The following TSG101 variants were observed in gnomAD, a reference collection of about 807,000 sequenced individuals.
The protein encoded by TSG101 is tumor susceptibility gene 101 protein.
Under a neutral mutation model 48.5 loss-of-function variants are expected in TSG101, and 19 were observed. That is an observed-to-expected ratio of 0.39 (90% CI 0.27 to 0.58). The LOEUF (loss-of-function observed/expected upper bound fraction) is 0.58. Among genes scored for constraint, TSG101 ranks in the 20% least tolerant of loss-of-function variants. TSG101 has a pLI of 0.55. For missense variants in TSG101, 365 were observed against 484.4 expected (o/e 0.75, Z 2.31); for synonymous variants, 174 against 169.4 (o/e 1.03, Z -0.21).
At chr11:18,505,264 T>TC (rs2133920911) in intron 6 of TSG101, among the ~76,000 whole-genome samples, 1 of 120,072 alleles carries the variant, frequency 8.3e-6, no homozygotes, top group African/African-American at 2.6e-5. Flanking sequence ...GCCAATCTTT[T>TC]TTTTTTTTTT....
chr11:18,486,339 C>T (rs190743664), intron 7 of TSG101, among the ~76,000 whole-genome samples: 147 of 152,340 alleles, frequency 9.6e-4, no homozygotes, highest in Non-Finnish European at 1.8e-3. Flanking sequence ...GGGTGTCGCT[C>T]GTCAGAGGTC....
intron 6 of TSG101, among the ~76,000 whole-genome samples, chr11:18,505,774 C>G (rs576278198): frequency 1.3e-5 from 2 of 152,288 alleles, no homozygotes; most frequent in African/African-American, 4.8e-5. Flanking sequence ...ACCCCATTAT[C>G]TGAACCATTA....
intron 7 of TSG101, among the ~76,000 whole-genome samples, chr11:18,498,261 T>C (rs2133914418): frequency 6.6e-6 from 1 of 152,220 alleles, no homozygotes; most frequent in South Asian, 2.1e-4. Flanking sequence ...AACTTTGGAC[T>C]GAACTCTGAG....
chr11:18,507,467 A>G (rs894664831), intron 5 of TSG101: 5 of 152,246 alleles, frequency 3.3e-5, no homozygotes, highest in African/African-American at 1.2e-4. Context: ...CTCAAAACAA[A>G]GAAACAAACA....
intron 7 of TSG101, among the ~76,000 whole-genome samples, chr11:18,499,271 ATATT>A (rs1230658397): frequency 2.3e-5 from 3 of 130,544 alleles, no homozygotes; most frequent in African/African-American, 5.6e-5. Context: ...TATTTTATAT[ATATT>A]TATATATATC....
intron 1 of TSG101, among the ~76,000 whole-genome samples, chr11:18,522,823 A>G (rs964144563): frequency 6.6e-6 from 1 of 152,126 alleles, no homozygotes; most frequent in Non-Finnish European, 1.5e-5. Flanking sequence ...CATGCATGAC[A>G]AACTTCTGTC....
chr11:18,488,569 A>G (rs1849653493), intron 7 of TSG101, among the ~76,000 whole-genome samples: 1 of 152,174 alleles, frequency 6.6e-6, no homozygotes, highest in African/African-American at 2.4e-5. Flanking sequence ...TTTTTGATTC[A>G]GATCCTGGTA....
At chr11:18,520,431 C>T (rs1286812256) in intron 1 of TSG101, among the ~76,000 whole-genome samples, 1 of 152,044 alleles carries the variant, frequency 6.6e-6, no homozygotes, top group South Asian at 2.1e-4. Context: ...TGCTATGTTG[C>T]CCAGGCTGGT....
At chr11:18,518,162 A>G (rs1462715447) in intron 2 of TSG101, among the ~76,000 whole-genome samples, 1 of 152,230 alleles carries the variant, frequency 6.6e-6, no homozygotes, top group Admixed American at 6.5e-5. Flanking sequence ...ATACCATTGT[A>G]CATATAGTAT....
rs933647538 is a variant in TSG101 at position 18,483,988 on chromosome 11, A to G, written c.725T>C (p.Met242Thr). 2.5e-6 allele frequency: 4 copies of G among 1,613,960 alleles called. No individual in the cohort carries two copies. The highest frequency in any genetic ancestry group is 3.4e-6 in the Non-Finnish European group (4 of 1,180,014). ...CTGGGCACGATCCATTTCCTCCTTC[A>G]TCCGCCATCTCAGTTTGTCACTGAC... ...SAVSDKLRWRMKEEMDRAQAE... is the reference protein window; with the variant it reads ...SAVSDKLRWRTKEEMDRAQAE... The change falls in exon 8 of 10, where the codon ATG becomes ACG. Residue 242 changes from methionine (M) to threonine (T), a missense_variant. Transcript: ENST00000251968.
chr11:18,491,050 C>T (rs1231511418), intron 7 of TSG101: 9 of 175,556 alleles, frequency 5.1e-5, no homozygotes, highest in South Asian at 3.4e-4. Context: ...CCTCTGGCAG[C>T]GGTGGCGGTG....
chr11:18,496,135 A>C (rs527452270), intron 7 of TSG101, among the ~76,000 whole-genome samples: 65 of 152,284 alleles, frequency 4.3e-4, no homozygotes, highest in African/African-American at 1.4e-3. Context: ...CATCTGGTAA[A>C]TTTTAAATCT....
intron 7 of TSG101, 73 bp from the exon 8 acceptor site, chr11:18,484,145 G>A: frequency 6.7e-7 from 1 of 1,488,318 alleles, no homozygotes; most frequent in Middle Eastern, 2.1e-4. Flanking sequence ...GGAACCTTCA[G>A]AAAAGGGGGC....
At chr11:18,507,249 C>G (rs1275033221) in intron 5 of TSG101, among the ~76,000 whole-genome samples, 3 of 152,142 alleles carry the variant, frequency 2.0e-5, no homozygotes. Flanking sequence ...CTTCTTCGGT[C>G]CAAGGTTAAC....
At chr11:18,495,466 C>CT (rs147441714) in intron 7 of TSG101, among the ~76,000 whole-genome samples, 5,155 of 152,152 alleles carry the variant, frequency 0.034, 317 homozygotes, top group African/African-American at 0.12. Context: ...TTAACTTCCT[C>CT]TTTTTTTACC....
At chr11:18,509,491 T>TGA (rs768640946) in intron 5 of TSG101, 51 bp downstream of exon 5, 4 of 1,566,314 alleles carry the variant, frequency 2.6e-6, no homozygotes, top group Non-Finnish European at 3.5e-6. Flanking sequence ...CAAAGGTTTC[T>TGA]GTTCTCTTTT....
intron 1 of TSG101, among the ~76,000 whole-genome samples, chr11:18,521,507 TA>T (rs2133934119): frequency 6.6e-6 from 1 of 151,320 alleles, no homozygotes; most frequent in African/African-American, 2.4e-5. Flanking sequence ...TAGCTGGGAC[TA>T]CAGGCATGCA....
At chr11:18,486,261 G>A (rs1259353083) in intron 7 of TSG101, among the ~76,000 whole-genome samples, 2 of 152,240 alleles carry the variant, frequency 1.3e-5, no homozygotes, top group East Asian at 1.9e-4. Flanking sequence ...AGCCAGACTC[G>A]GCCCAAGTGG....
intron 4 of TSG101, among the ~76,000 whole-genome samples, chr11:18,510,181 G>A (rs529817988): frequency 5.1e-4 from 77 of 152,306 alleles, no homozygotes; most frequent in African/African-American, 1.6e-3. Context: ...AGCACTTTGG[G>A]AGGCCAAGGT....
Sources: gnomAD v4.1 joint callset for allele counts (sites outside exome capture counted in the v4.1 genomes callset) on GRCh38, gnomAD v4.1.1 for gene constraint, MANE v1.5 for transcripts, NCBI Gene and HGNC (gene_info 2026-07-23, HGNC 2026-07-21) for gene names.